Variants in SAMD5 observed in about 807,000 individuals in gnomAD.
The protein encoded by SAMD5 is sterile alpha motif domain-containing protein 5.
SAMD5 carries 13 observed loss-of-function variants against 11.3 expected under a neutral mutation model. The observed-to-expected ratio is 1.15, with a 90% CI of 0.75 to 1.83. SAMD5 has a LOEUF of 1.83. Among genes scored for constraint, SAMD5 ranks in the 40% most tolerant of loss-of-function variants. The pLI is 0.00. For missense variants in SAMD5, 255 were observed against 239.1 expected, an observed-to-expected ratio of 1.07 and a Z score of -0.44; for synonymous variants, 129 against 111.3, an observed-to-expected ratio of 1.16 and a Z score of -1.00.
At chr6:147,752,286 G>T in the SAMD5 span, among the ~76,000 whole-genome samples, 3 of 152,022 alleles carry the variant, frequency 2.0e-5, no homozygotes, top group African/African-American at 4.8e-5. Context: ...GAAACACCAG[G>T]CCTCAAATAA....
chr6:147,564,799 C>T lies in SAMD5; in HGVS notation c.*343C>T. On this transcript the variant is annotated 3_prime_UTR_variant, in exon 2 of 2. Transcript: ENST00000367474. ...GTTGGCTAAGGCATTTGAGTCATAACTTAGTTTAAGTACAATATAACAAAA... is the reference window on the plus strand; with the variant it reads ...GTTGGCTAAGGCATTTGAGTCATAATTTAGTTTAAGTACAATATAACAAAA... The T allele has an allele frequency of 1.0e-6, 1 of 1,004,328 alleles. No individual in the cohort carries two copies. Among genetic ancestry groups the T allele is most frequent in the Non-Finnish European group, 1.2e-6 (1 of 841,328 alleles). The allele number at this position is 1,004,328 out of a possible 1,614,324, so 62.2% of individuals were successfully genotyped here. A position where few individuals can be genotyped will look rare whatever the true frequency, so the allele number is the denominator to read the frequency against.
chr6:147,763,737 C>A, the SAMD5 span, among the ~76,000 whole-genome samples: 1 of 151,846 alleles, frequency 6.6e-6, no homozygotes, highest in African/African-American at 2.4e-5. Context: ...CGCCCACCAC[C>A]ACGCCCGGCT....
chr6:147,877,923 C>CTAGATAGA, the SAMD5 span, among the ~76,000 whole-genome samples: 9 of 122,426 alleles, frequency 7.4e-5, no homozygotes, highest in South Asian at 5.1e-4. Context: ...AGCTAGCTAG[C>CTAGATAGA]TAGATAGATA....
chr6:147,921,059 T>C, the SAMD5 span, among the ~76,000 whole-genome samples: 1 of 152,090 alleles, frequency 6.6e-6, no homozygotes, highest in Admixed American at 6.6e-5. Flanking sequence ...CATTCCTTAA[T>C]CACATTATTA....
chr6:147,562,555 G>A (rs375371884), intron 1 of SAMD5, among the ~76,000 whole-genome samples: 41 of 152,308 alleles, frequency 2.7e-4, no homozygotes, highest in East Asian at 2.1e-3. Context: ...GGGTGTGGTG[G>A]CTCACGCCTG....
the SAMD5 span, among the ~76,000 whole-genome samples, chr6:147,942,129 G>A: frequency 1.5e-4 from 23 of 151,976 alleles, no homozygotes; most frequent in Non-Finnish European, 2.2e-4. Context: ...CACCCGCCTC[G>A]GCCTCCCAAA....
chr6:147,928,179 C>T, the SAMD5 span, among the ~76,000 whole-genome samples: 1 of 152,186 alleles, frequency 6.6e-6, no homozygotes, highest in Admixed American at 6.5e-5. Context: ...ATGCTGGACT[C>T]ATAGAATGAG....
chr6:147,601,845 T>A (rs62434737), intron 1 of SAMD5, among the ~76,000 whole-genome samples: 14,126 of 152,272 alleles, frequency 0.093, 805 homozygotes, highest in Middle Eastern at 0.15. Context: ...TTTGGGGTTT[T>A]CATGAAGAAG....
At chr6:147,699,891 G>A (rs1372468060) in intron 1 of SAMD5, among the ~76,000 whole-genome samples, 1 of 152,160 alleles carries the variant, frequency 6.6e-6, no homozygotes, top group East Asian at 1.9e-4. Flanking sequence ...ATCTGTGTTT[G>A]ACTAATATTT....
chr6:147,836,463 G>A, the SAMD5 span, among the ~76,000 whole-genome samples: 13 of 152,170 alleles, frequency 8.5e-5, no homozygotes, highest in South Asian at 1.0e-3. Flanking sequence ...ACCAAACATC[G>A]CAGCTTATCC....
chr6:147,663,858 TATGATC>T (rs1211768354), intron 1 of SAMD5, among the ~76,000 whole-genome samples: 1 of 149,408 alleles, frequency 6.7e-6, no homozygotes, highest in East Asian at 2.0e-4. Flanking sequence ...AAAAAAATTC[TATGATC>T]ATGACAGTAA....
At chr6:147,627,617 G>T (rs1235377432) in intron 1 of SAMD5, among the ~76,000 whole-genome samples, 1 of 152,188 alleles carries the variant, frequency 6.6e-6, no homozygotes, top group Non-Finnish European at 1.5e-5. Context: ...GTCAGGAGAA[G>T]TCTACCAGCC....
intron 1 of SAMD5, among the ~76,000 whole-genome samples, chr6:147,657,670 C>T (rs1790590653): frequency 6.6e-6 from 1 of 152,172 alleles, no homozygotes; most frequent in South Asian, 2.1e-4. Flanking sequence ...AAGCCATTGG[C>T]AGATTCGGTG....
At chr6:147,775,907 T>TTAA in the SAMD5 span, among the ~76,000 whole-genome samples, 1,139 of 152,346 alleles carry the variant, frequency 7.5e-3, 16 homozygotes, top group African/African-American at 0.026. Context: ...TTTTATAGTG[T>TTAA]TATTAGGAGG....
In SAMD5 at chr6:147,567,729, A is replaced by G. The variant is rs1356989150; in HGVS notation, c.*3273A>G. 1 of 985,280 alleles carries G rather than the reference A, an allele frequency of 1.0e-6. No homozygotes were observed. The highest frequency in any genetic ancestry group is 1.1e-4 in the East Asian group (1 of 8,834). The allele number at this position is 985,280 out of a possible 1,614,324, so 61.0% of individuals were successfully genotyped here. On this transcript the variant is annotated 3_prime_UTR_variant, in exon 2 of 2. Transcript: ENST00000367474. Reference sequence around the variant, plus strand: ...TTAAAGCTGACTAGAAAACTCAGACATAAATTGACATTTCCTTATCATTGC... The same window carrying G: ...TTAAAGCTGACTAGAAAACTCAGACGTAAATTGACATTTCCTTATCATTGC...
chr6:147,914,811 TATC>T, the SAMD5 span, among the ~76,000 whole-genome samples: 2 of 152,268 alleles, frequency 1.3e-5, no homozygotes, highest in Non-Finnish European at 2.9e-5. Context: ...TCAGATGTAA[TATC>T]ATAAGAAAGA....
chr6:147,865,380 T>G, the SAMD5 span, among the ~76,000 whole-genome samples: 17 of 145,236 alleles, frequency 1.2e-4, no homozygotes, highest in South Asian at 2.2e-4. Flanking sequence ...GGGAGAGAGA[T>G]AGAGAGGGCA....
At chr6:147,912,363 C>T in the SAMD5 span, among the ~76,000 whole-genome samples, 19 of 152,156 alleles carry the variant, frequency 1.2e-4, no homozygotes, top group African/African-American at 4.1e-4. Flanking sequence ...ATATCCAGCC[C>T]AGTCCCCTCA....
In SAMD5 at chr6:147,569,752, G is replaced by T; in HGVS notation, c.*5296G>T. On this transcript the variant is annotated 3_prime_UTR_variant, in exon 2 of 2. Coordinates refer to ENST00000367474, the MANE Select transcript of SAMD5 (RefSeq NM_001030060.3). The stretch of plus-strand genomic sequence containing the variant: ...AATTTCTGCCCCTACAGAAGTGTGT[G>T]CATGGGCCTTGGAAAATCTACATGT... 2.0e-6 allele frequency: 2 copies of T among 985,410 alleles called. No individual in the cohort carries two copies. The highest frequency in any genetic ancestry group is 2.4e-6 in the Non-Finnish European group (2 of 829,894). The allele number at this position is 985,410 out of a possible 1,614,324, so 61.0% of individuals were successfully genotyped here. A position where few individuals can be genotyped will look rare whatever the true frequency, so the allele number is the denominator to read the frequency against.
Sources: gnomAD v4.1 joint callset for allele counts (sites outside exome capture counted in the v4.1 genomes callset) on GRCh38, gnomAD v4.1.1 for gene constraint, MANE v1.5 for transcripts, NCBI Gene and HGNC (gene_info 2026-07-23, HGNC 2026-07-21) for gene names.